NRG3: variants seen among roughly 807,000 people sequenced by gnomAD.
NRG3 encodes the protein pro-neuregulin-3, membrane-bound isoform.
In NRG3, 31 loss-of-function variants were observed where a neutral mutation model predicts 66.9. The observed-to-expected ratio is 0.46, with a 90% CI of 0.35 to 0.63. The LOEUF is 0.63. Ranked by LOEUF, NRG3 falls within the 20% of genes least tolerant of loss-of-function variation. The pLI, the probability that NRG3 is intolerant of heterozygous loss-of-function variation, is 0.00. For synonymous variants in NRG3, 393 were observed against 359.4 expected, an observed-to-expected ratio of 1.09 and a Z score of -1.06; for missense variants, 910 against 878.9, an observed-to-expected ratio of 1.04 and a Z score of -0.45.
At chr10:82,592,359 A>G (rs2047030533) in intron 2 of NRG3, among the ~76,000 whole-genome samples, 1 of 152,040 alleles carries the variant, frequency 6.6e-6, no homozygotes. Flanking sequence ...ACATGTGGGG[A>G]GGTTTTCTGG....
chr10:82,580,472 T>C (rs765464892), intron 2 of NRG3, among the ~76,000 whole-genome samples: 1 of 152,028 alleles, frequency 6.6e-6, no homozygotes, highest in Non-Finnish European at 1.5e-5. Flanking sequence ...GACAAACACA[T>C]GATGTCATGT....
At chr10:81,998,986 A>G (rs2061057043) in intron 1 of NRG3, among the ~76,000 whole-genome samples, 1 of 152,124 alleles carries the variant, frequency 6.6e-6, no homozygotes, top group South Asian at 2.1e-4. Context: ...GTATTTTAAT[A>G]GAGATGGGGT....
intron 2 of NRG3, among the ~76,000 whole-genome samples, chr10:82,670,441 CTTA>C (rs554926103): frequency 9.2e-4 from 140 of 152,230 alleles, no homozygotes; most frequent in Middle Eastern, 3.4e-3. Context: ...CTCAGTCACG[CTTA>C]TTATTCAGTC....
At chr10:82,118,060 G>A (rs1211091085) in intron 1 of NRG3, among the ~76,000 whole-genome samples, 2 of 152,032 alleles carry the variant, frequency 1.3e-5, no homozygotes, top group Non-Finnish European at 2.9e-5. Context: ...TATTATTACT[G>A]TTAAGATGAC....
At chr10:81,887,280 T>G (rs1842686501) in intron 1 of NRG3, among the ~76,000 whole-genome samples, 1 of 152,164 alleles carries the variant, frequency 6.6e-6, no homozygotes, top group African/African-American at 2.4e-5. Context: ...GGGCCTTTGA[T>G]GATTAGCCTT....
chr10:82,123,986 A>G lies in NRG3; in HGVS notation c.824-234753A>G, dbSNP rs201170006. On this transcript the variant is annotated intron_variant, in intron 1 of 8. Transcript: ENST00000372141. ...TCTCACCCCCTTCAATGAGATGCAT[A>G]CTAATTAGATGTCAAGAAAAGATCA... Among the ~76,000 whole-genome samples, 4 of 151,984 alleles carry G rather than the reference A, an allele frequency of 2.6e-5. No individual in the cohort carries two copies. In the East Asian group the frequency reaches 7.7e-4, roughly 29 times the overall value.
At chr10:82,784,163 A>G (rs2060242422) in intron 3 of NRG3, among the ~76,000 whole-genome samples, 1 of 152,168 alleles carries the variant, frequency 6.6e-6, no homozygotes. Flanking sequence ...ATATGTAGAA[A>G]GCTGAAACTG....
intron 3 of NRG3, among the ~76,000 whole-genome samples, chr10:82,826,889 A>T (rs149302748): frequency 6.6e-6 from 1 of 151,998 alleles, no homozygotes. Flanking sequence ...AAACCTGCAC[A>T]TGTACCCCCT....
At chr10:82,939,486 G>T (rs7067558) in intron 4 of NRG3, among the ~76,000 whole-genome samples, 126,177 of 148,130 alleles carry the variant, frequency 0.85, 52,632 homozygotes, top group East Asian at 0.89. Flanking sequence ...TGTTGTTGTT[G>T]TTTGAGACGG....
chr10:82,552,086 T>C (rs1028606016), intron 2 of NRG3, among the ~76,000 whole-genome samples: 1 of 152,056 alleles, frequency 6.6e-6, no homozygotes, highest in Non-Finnish European at 1.5e-5. Context: ...GTAGGTGGAG[T>C]TGCTTTTCTT....
rs189317555 is a variant in NRG3, at chr10:82,785,937, T to G, written c.1027+47287T>G. ...ACAATGGGAGAATGATCCTAAGGCA[T>G]TTCAGGTGTGCAGAATGCAACAGCT... On this transcript the variant is annotated intron_variant, in intron 3 of 8. Transcript: ENST00000372141. Among the ~76,000 whole-genome samples the G allele has an allele frequency of 4.5e-3, 689 of 152,236 alleles. 12 individuals carry two copies. Among genetic ancestry groups the G allele is most frequent in the Admixed American group, 5.7e-3 (87 of 15,292 alleles).
At chr10:82,106,332 G>T (rs1379851660) in intron 1 of NRG3, among the ~76,000 whole-genome samples, 2 of 152,118 alleles carry the variant, frequency 1.3e-5, no homozygotes, top group Admixed American at 1.3e-4. Context: ...GATGCTAGAA[G>T]TTAGACCCAG....
At chr10:82,144,632 G>A (rs1036530057) in intron 1 of NRG3, among the ~76,000 whole-genome samples, 1 of 152,226 alleles carries the variant, frequency 6.6e-6, no homozygotes, top group Non-Finnish European at 1.5e-5. Context: ...TGTGAAAAGA[G>A]ATCTGGGAGA....
chr10:82,699,868 T>C (rs2055720050), intron 2 of NRG3, among the ~76,000 whole-genome samples: 1 of 152,120 alleles, frequency 6.6e-6, no homozygotes, highest in African/African-American at 2.4e-5. Flanking sequence ...TGTGTGTGTG[T>C]GTGTGTGTGT....
In NRG3 at chr10:81,875,928, C is replaced by A. The variant is rs763366382; in HGVS notation, c.588C>A (p.Thr196=). 3.7e-6 allele frequency: 6 copies of A among 1,613,618 alleles called. No homozygotes were observed. The East Asian group carries it at 1.3e-4, about 36-fold the overall frequency. ...NTAAPATVPS[T]TAPFFSSSTL... ...CGGCCCCTGCGACGGTCCCGTCCAC[C>A]ACGGCCCCGTTCTTCAGTAGCAGCA... Residue 196 remains threonine, a synonymous_variant, in exon 1 of 9, where the codon ACC becomes ACA. Coordinates refer to ENST00000372141, the MANE Select transcript of NRG3 (RefSeq NM_001010848.4). This position sits in a 1 kb window ranked among gnomAD's most constrained non-coding sequence, Gnocchi z 5.3.
intron 1 of NRG3, among the ~76,000 whole-genome samples, chr10:81,970,122 T>C (rs2059876796): frequency 6.6e-6 from 1 of 152,240 alleles, no homozygotes; most frequent in African/African-American, 2.4e-5. Flanking sequence ...AGTTGGAAGA[T>C]ACTTTAAAAG....
intron 2 of NRG3, among the ~76,000 whole-genome samples, chr10:82,492,687 C>T (rs1012246366): frequency 6.6e-6 from 1 of 152,146 alleles, no homozygotes; most frequent in Non-Finnish European, 1.5e-5. Context: ...TCACATTGCA[C>T]CAAATTGGGC....
chr10:82,711,933 A>C (rs1405839702), intron 2 of NRG3, among the ~76,000 whole-genome samples: 2 of 152,228 alleles, frequency 1.3e-5, no homozygotes, highest in African/African-American at 2.4e-5. Context: ...AATTGCATTT[A>C]ATTTGTAAAT....
chr10:82,349,829 C>T (rs2083305943), intron 1 of NRG3, among the ~76,000 whole-genome samples: 1 of 152,162 alleles, frequency 6.6e-6, no homozygotes, highest in Non-Finnish European at 1.5e-5. Flanking sequence ...CCCGATTTTC[C>T]AGGTGTGTCT....
Sources: gnomAD v4.1 joint callset for allele counts (sites outside exome capture counted in the v4.1 genomes callset) on GRCh38, gnomAD v4.1.1 for gene constraint, Gnocchi (gnomAD v3.1) non-coding constraint, MANE v1.5 for transcripts, NCBI Gene and HGNC (gene_info 2026-07-23, HGNC 2026-07-21) for gene names.